Variants in ETV3L observed in about 807,000 individuals in gnomAD.
ETV3L encodes the protein ETS variant transcription factor 3 like.
In ETV3L, 30 loss-of-function variants were observed where a neutral mutation model predicts 27.6. The ratio of observed to expected loss-of-function variants is 1.09; its 90% CI spans 0.81 to 1.48. The LOEUF is 1.48. Among genes scored for constraint, ETV3L ranks in the 40% most tolerant of loss-of-function variants. The pLI is 0.00. For synonymous variants in ETV3L, 186 were observed against 188.9 expected, an observed-to-expected ratio of 0.98 and a Z score of 0.12; for missense variants, 443 against 455.6, an observed-to-expected ratio of 0.97 and a Z score of 0.25.
At chr1:157,098,643 G>A (rs1674278048) in intron 3 of ETV3L, 63 bp downstream of exon 3, 1 of 1,428,788 alleles carries the variant, frequency 7.0e-7, no homozygotes. Flanking sequence ...AGGGTGGGGA[G>A]CCTCCTGGGC....
intron 4 of ETV3L, among the ~76,000 whole-genome samples, chr1:157,094,650 C>T (rs370552959): frequency 3.3e-5 from 5 of 152,160 alleles, no homozygotes; most frequent in African/African-American, 9.7e-5. Flanking sequence ...TGGTGGCTCA[C>T]GCTTGTAATC....
intron 4 of ETV3L, among the ~76,000 whole-genome samples, chr1:157,095,912 G>C (rs1674209704): frequency 1.3e-5 from 2 of 152,180 alleles, no homozygotes; most frequent in African/African-American, 4.8e-5. Flanking sequence ...CCTTGGTTTG[G>C]CCAAGTGTCT....
chr1:157,094,425 C>T (rs1439627490), intron 4 of ETV3L, among the ~76,000 whole-genome samples: 2 of 152,240 alleles, frequency 1.3e-5, no homozygotes, highest in African/African-American at 4.8e-5. Flanking sequence ...CCCTCTCCAA[C>T]CCTGCCAGGG....
chr1:157,098,660 G>T, intron 3 of ETV3L, 46 bp downstream of exon 3: 1 of 1,518,646 alleles, frequency 6.6e-7, no homozygotes, highest in Non-Finnish European at 8.8e-7. Flanking sequence ...GGGCAGAGGG[G>T]TAGGACCTGG....
intron 4 of ETV3L, among the ~76,000 whole-genome samples, chr1:157,093,834 T>C (rs920945870): frequency 2.6e-5 from 4 of 152,134 alleles, no homozygotes; most frequent in Non-Finnish European, 4.4e-5. Flanking sequence ...AATATCACTC[T>C]TTGGAGAAGA....
At chr1:157,094,369 T>C (rs936612746) in intron 4 of ETV3L, among the ~76,000 whole-genome samples, 29 of 152,140 alleles carry the variant, frequency 1.9e-4, no homozygotes, top group African/African-American at 7.0e-4. Context: ...ACTTTCCACC[T>C]CCAAAAAGGC....
chr1:157,098,777 A>T lies in ETV3L; in HGVS notation c.415T>A (p.Ser139Thr). 2 of 1,613,620 alleles carry T rather than the reference A, an allele frequency of 1.2e-6. No homozygotes were observed. Among genetic ancestry groups the T allele is most frequent in the Middle Eastern group, 3.3e-4 (2 of 6,052 alleles). ...GGGGCCCCCAGCAGCAAGTGGGGGG[A>T]TGGCGGCGCCCGCACTTCCCACAAA... ...YPLWEVRAPP[S>T]PHLLLGAPAL... Residue 139 changes from serine (S) to threonine (T), a missense_variant, in exon 3 of 5, where the codon TCC becomes ACC. By Grantham distance (58) the Ser-to-Thr change is moderately conservative. Coordinates refer to ENST00000454449, the MANE Select transcript of ETV3L (RefSeq NM_001004341.2).
In ETV3L at chr1:157,097,257, G is replaced by A. The variant is rs561210757; in HGVS notation, c.607+611C>T. On this transcript the variant is annotated intron_variant, in intron 4 of 4. Transcript: ENST00000454449. Reference sequence around the variant, plus strand: ...GGAGGCTGAGGCGGGTGGATCACCTGAGGTCAGGAGTTTGAGACCAGCCTG... The same window carrying A: ...GGAGGCTGAGGCGGGTGGATCACCTAAGGTCAGGAGTTTGAGACCAGCCTG... 1.6e-4 allele frequency among the ~76,000 whole-genome samples: 25 copies of A among 152,100 alleles called. No individual in the cohort carries two copies. In the South Asian group the frequency reaches 2.3e-3, roughly 14 times the overall value.
intron 4 of ETV3L, 25 bp downstream of exon 4, chr1:157,097,843 G>T (rs779574963): frequency 6.1e-5 from 99 of 1,611,344 alleles, no homozygotes; most frequent in Non-Finnish European, 8.2e-5. Context: ...GATCCCCCTG[G>T]GCCCTCCCAG....
Position 157,099,456 on chromosome 1 carries a change from A to T in ETV3L, c.58+10T>A. 1 of 1,613,988 alleles carries T rather than the reference A, an allele frequency of 6.2e-7. No homozygotes were observed. The highest frequency in any genetic ancestry group is 2.2e-5 in the East Asian group (1 of 44,862). On this transcript the variant is annotated intron_variant, in intron 1 of 4. Transcript: ENST00000454449. Reference sequence around the variant, plus strand: ...TTGGAGCAGGGGGTAGGCCCGGCCAAGAGGCTCACCTGAGATCCAGTTGCC... The same window carrying T: ...TTGGAGCAGGGGGTAGGCCCGGCCATGAGGCTCACCTGAGATCCAGTTGCC...
Position 157,099,450 on chromosome 1 carries a change from C to T in ETV3L, c.58+16G>A, listed in dbSNP as rs74938633. On this transcript the variant is annotated intron_variant, in intron 1 of 4. Coordinates refer to ENST00000454449, the MANE Select transcript of ETV3L (RefSeq NM_001004341.2). ...CCACCGTTGGAGCAGGGGGTAGGCC[C>T]GGCCAAGAGGCTCACCTGAGATCCA... The T allele has an allele frequency of 5.0e-5, 80 of 1,613,916 alleles. No homozygotes were observed. In the Admixed American group the frequency reaches 5.2e-4, roughly 10 times the overall value.
intron 4 of ETV3L, among the ~76,000 whole-genome samples, chr1:157,093,789 A>G (rs756804192): frequency 3.3e-5 from 5 of 151,990 alleles, no homozygotes; most frequent in Non-Finnish European, 7.4e-5. Flanking sequence ...CACCGCGCAC[A>G]GCTCCTTTTC....
Position 157,099,807 on chromosome 1 carries a change from A to T in ETV3L, c.-284T>A. The T allele has an allele frequency of 1.8e-6, 1 of 561,532 alleles. No homozygotes were observed. The highest frequency in any genetic ancestry group is 2.3e-5 in the South Asian group (1 of 43,024). 34.8% of individuals were successfully genotyped at this position (561,532 alleles called of 1,614,324 possible). On this transcript the variant is annotated 5_prime_UTR_variant, in exon 1 of 5. Transcript: ENST00000454449. ...TCCCCGCTGCCCAGGGCTGACTCGGACTCAGGGCTTCCGGCTGAGCTACTT... is the reference window on the plus strand; with the variant it reads ...TCCCCGCTGCCCAGGGCTGACTCGGTCTCAGGGCTTCCGGCTGAGCTACTT...
In ETV3L at chr1:157,092,755, C is replaced by T. The variant is rs1338916291; in HGVS notation, c.980G>A (p.Arg327Lys). 6.2e-7 allele frequency: 1 copy of T among 1,614,182 alleles called. No homozygotes were observed. Among genetic ancestry groups the T allele is most frequent in the Non-Finnish European group, 8.5e-7 (1 of 1,180,014 alleles). Residue 327 changes from arginine to lysine, a missense_variant, in exon 5 of 5, where the codon AGG becomes AAG. Physicochemically the swap from Arg to Lys is conservative, Grantham distance 26 (BLOSUM62 2). Transcript: ENST00000454449. The stretch of plus-strand genomic sequence containing the variant: ...GCGGGTCTCTGGGCAGAAGACCTCC[C>T]TGGGATCCAGGCCTCCCTTTGCCTC... ...MMEAKGGLDP[R>K]EVFCPETRRL...
chr1:157,098,010 C>G lies in ETV3L; in HGVS notation c.487-22G>C, dbSNP rs373903856. On this transcript the variant is annotated intron_variant, in intron 3 of 4. Transcript: ENST00000454449. ...GGAGCTGAGGGGTGAGAAGTAGGTGCGAGGTGTGATGGGCTCTCCTTGGCA... is the reference window on the plus strand; with the variant it reads ...GGAGCTGAGGGGTGAGAAGTAGGTGGGAGGTGTGATGGGCTCTCCTTGGCA... 3 of 1,582,464 alleles carry G rather than the reference C, an allele frequency of 1.9e-6. No individual in the cohort carries two copies. In the South Asian group the frequency reaches 3.5e-5, roughly 19 times the overall value.
chr1:157,099,472 T>A lies in ETV3L; in HGVS notation c.52A>T (p.Ile18Phe). 6.2e-7 allele frequency: 1 copy of A among 1,613,782 alleles called. No individual in the cohort carries two copies. The highest frequency in any genetic ancestry group is 8.5e-7 in the Non-Finnish European group (1 of 1,179,902). Residue 18 changes from isoleucine (I) to phenylalanine (F), a missense_variant, in exon 1 of 5, where the codon ATC becomes TTC. Ile to Phe is a conservative substitution (Grantham distance 21). Coordinates refer to ENST00000454449, the MANE Select transcript of ETV3L (RefSeq NM_001004341.2). ...EGIPANPGNW[I>F]SGLAFPDWAY... ...GCCCGGCCAAGAGGCTCACCTGAGA[T>A]CCAGTTGCCGGGGTTGGCTGGGATG...
rs1674306189 is a variant in ETV3L at position 157,099,730 on chromosome 1, G to T, written c.-207C>A. 1.6e-6 allele frequency: 1 copy of T among 608,788 alleles called. No homozygotes were observed. The highest frequency in any genetic ancestry group is 2.8e-5 in the East Asian group (1 of 36,218). 37.7% of individuals were successfully genotyped at this position (608,788 alleles called of 1,614,324 possible). A position where few individuals can be genotyped will look rare whatever the true frequency, so the allele number is the denominator to read the frequency against. On this transcript the variant is annotated 5_prime_UTR_variant, in exon 1 of 5. The change creates a new upstream start codon in the 5' untranslated region. Coordinates refer to ENST00000454449, the MANE Select transcript of ETV3L (RefSeq NM_001004341.2). ...CAGTGAAGGGGAGAAAAGGGAACCA[G>T]AGGCAGCAAGCTTCCCCATACCCAG...
intron 4 of ETV3L, 124 bp downstream of exon 4, chr1:157,097,744 C>G: frequency 2.4e-6 from 3 of 1,238,202 alleles, no homozygotes; most frequent in Non-Finnish European, 3.4e-6. Flanking sequence ...AAATGTTGGT[C>G]GAATGAATGA....
chr1:157,098,624 G>C, intron 3 of ETV3L, 82 bp downstream of exon 3: 2 of 1,348,360 alleles, frequency 1.5e-6, no homozygotes, highest in Non-Finnish European at 2.0e-6. Flanking sequence ...GGCCCCAGAG[G>C]CAAAGAGGAG....
Sources: allele counts gnomAD v4.1 joint callset (sites outside exome capture counted in the v4.1 genomes callset), GRCh38; gene constraint gnomAD v4.1.1; transcripts MANE v1.5; gene names NCBI Gene and HGNC (gene_info 2026-07-23, HGNC 2026-07-21).